KIF24: variants seen among roughly 807,000 people sequenced by gnomAD.
The protein encoded by KIF24 is kinesin-like protein KIF24.
KIF24 carries 81 observed loss-of-function variants against 118.9 expected under a neutral mutation model. The observed-to-expected ratio is 0.68, with a 90% CI of 0.57 to 0.82. The LOEUF (loss-of-function observed/expected upper bound fraction) is 0.82. Among genes scored for constraint, KIF24 ranks in the 40% least tolerant of loss-of-function variants. KIF24 has a pLI of 0.00. For missense variants in KIF24, 1,560 were observed against 1,661.6 expected, an observed-to-expected ratio of 0.94 and a Z score of 1.06; for synonymous variants, 599 against 610.0, an observed-to-expected ratio of 0.98 and a Z score of 0.27.
chr9:34,331,307 AT>A (rs1165338480), upstream of KIF24, among the ~76,000 whole-genome samples: 2 of 152,216 alleles, frequency 1.3e-5, no homozygotes, highest in Non-Finnish European at 2.9e-5. Flanking sequence ...TAACTCATAT[AT>A]TTAGTACCTC....
intron 1 of KIF24, among the ~76,000 whole-genome samples, chr9:34,324,866 A>G (rs1012237363): frequency 6.6e-6 from 1 of 152,206 alleles, no homozygotes; most frequent in African/African-American, 2.4e-5. Context: ...CTTACTGATT[A>G]TAACAACAAA....
At chr9:34,320,492 T>C (rs559041031) in intron 1 of KIF24, among the ~76,000 whole-genome samples, 115 of 151,012 alleles carry the variant, frequency 7.6e-4, no homozygotes, top group African/African-American at 2.8e-3. Context: ...ACCCCATCTC[T>C]ACTAAAAATA....
intron 7 of KIF24, among the ~76,000 whole-genome samples, chr9:34,271,461 G>A (rs1270302873): frequency 6.6e-6 from 1 of 152,122 alleles, no homozygotes; most frequent in Non-Finnish European, 1.5e-5. Context: ...TTGTCTTATG[G>A]CTTCTTTCAA....
At chr9:34,263,035 C>A in intron 9 of KIF24, 66 bp downstream of exon 9, 3 of 1,257,294 alleles carry the variant, frequency 2.4e-6, no homozygotes, top group Non-Finnish European at 3.4e-6. Context: ...ACTGAATGAA[C>A]AAATACATGA....
In KIF24 at chr9:34,256,170, C is replaced by G. The variant is rs984128675; in HGVS notation, c.3437G>C (p.Arg1146Thr). ...GCAGGCCTCTCCTAGGTCTGCCTCC[C>G]TGCTGGGCAGCTTGTCAGCTGGGTG... Reference protein sequence around the residue: ...RQHPADKLPSREADLGEACQS... With the variant: ...RQHPADKLPSTEADLGEACQS... The change falls in exon 11 of 13, where the codon AGG (arginine) becomes ACG (threonine). Residue 1146 changes from arginine (R) to threonine (T), a missense_variant. Physicochemically the swap from Arg to Thr is moderately conservative, Grantham distance 71. Transcript: ENST00000402558. 5.6e-6 allele frequency: 9 copies of G among 1,604,092 alleles called. No homozygotes were observed. The highest frequency in any genetic ancestry group is 7.7e-6 in the Non-Finnish European group (9 of 1,173,452).
chr9:34,323,280 G>C (rs930892139), intron 1 of KIF24, among the ~76,000 whole-genome samples: 1 of 152,122 alleles, frequency 6.6e-6, no homozygotes, highest in Non-Finnish European at 1.5e-5. Flanking sequence ...TTTCAAGTTT[G>C]TTTATGGTTA....
At chr9:34,301,642 C>A (rs1836709503) in intron 3 of KIF24, among the ~76,000 whole-genome samples, 1 of 152,056 alleles carries the variant, frequency 6.6e-6, no homozygotes, top group African/African-American at 2.4e-5. Flanking sequence ...TTGAGACCAG[C>A]CGAGGCAACA....
chr9:34,257,972 T>C lies in KIF24; in HGVS notation c.1635A>G (p.Glu545=). ...NTLRYADRVK[E]LKKGIKCCTS... ...TGCAACACTTAATGCCTTTCTTTAG[T>C]TCTTTGACCCTGTAAATAATCATTT... Residue 545 remains glutamate, a synonymous_variant, in exon 11 of 13, where the codon GAA becomes GAG. Transcript: ENST00000402558. 1 of 1,591,772 alleles carries C rather than the reference T, an allele frequency of 6.3e-7. No individual in the cohort carries two copies. Among genetic ancestry groups the C allele is most frequent in the Non-Finnish European group, 8.6e-7 (1 of 1,169,242 alleles).
chr9:34,299,396 G>A (rs1410380288), intron 3 of KIF24, among the ~76,000 whole-genome samples: 1 of 151,790 alleles, frequency 6.6e-6, no homozygotes, highest in Non-Finnish European at 1.5e-5. Flanking sequence ...TGGCCAGGCT[G>A]GTCTCGAACT....
rs761504523 is a variant in KIF24, at chr9:34,257,006, C to T, written c.2601G>A (p.Lys867=). Residue 867 remains lysine (K), a synonymous_variant, in exon 11 of 13, where the codon AAG becomes AAA. Transcript: ENST00000402558. ...LHQTWGQGPE[K]QVAERQQSLF... is the part of the protein sequence containing the mutation. ...GACTCTGCTGTCTTTCTGCCACCTGCTTCTCAGGACCCTGTCCCCACGTCT... is the reference window on the plus strand; with the variant it reads ...GACTCTGCTGTCTTTCTGCCACCTGTTTCTCAGGACCCTGTCCCCACGTCT... 6.2e-7 allele frequency: 1 copy of T among 1,614,044 alleles called. No homozygotes were observed. Among genetic ancestry groups the T allele is most frequent in the Non-Finnish European group, 8.5e-7 (1 of 1,179,900 alleles).
intron 2 of KIF24, among the ~76,000 whole-genome samples, chr9:34,308,188 G>A (rs141157928): frequency 3.3e-4 from 50 of 152,188 alleles, no homozygotes; most frequent in African/African-American, 7.9e-4. Flanking sequence ...GGCTGGCCTC[G>A]AACTCCTGGG....
At position 34,318,344 on chromosome 9, in the gene KIF24, A is replaced by T; in HGVS notation, c.-25-6973T>A. The T allele has an allele frequency of 2.1e-6, 1 of 481,630 alleles. No homozygotes were observed. The highest frequency in any genetic ancestry group is 3.9e-6 in the Non-Finnish European group (1 of 255,842). The allele number at this position is 481,630 out of a possible 1,614,324, so 29.8% of individuals were successfully genotyped here. On this transcript the variant is annotated intron_variant, in intron 1 of 12. Transcript: ENST00000402558. This position sits in a 1 kb window ranked among gnomAD's most constrained non-coding sequence, Gnocchi z 4.9. ...GAGCCAGCCCAGCCCAACCCAGCCC[A>T]ACCCAGCTTGACCTAGCCCTGACAG... is the stretch of plus-strand genomic sequence containing the variant.
chr9:34,311,414 T>A, intron 1 of KIF24, 43 bp from the exon 2 acceptor site: 4 of 968,080 alleles, frequency 4.1e-6, no homozygotes, highest in Non-Finnish European at 5.7e-6. Context: ...ATAGAGTACA[T>A]GTAATACAAT....
In KIF24 at chr9:34,310,790, A is replaced by T. The variant is rs756373623; in HGVS notation, c.557T>A (p.Ile186Asn). ...YLSAILGDCD[I>N]PIIQRISHVS... ...ATGAGAGATTCTTTGAATAATGGGA[A>T]TATCACAATCCCCCAGTATTGCAGA... Residue 186 changes from isoleucine (I) to asparagine (N), a missense_variant, in exon 2 of 13, where the codon ATT (isoleucine) becomes AAT (asparagine). Physicochemically the swap from Ile to Asn is moderately radical, Grantham distance 149. Coordinates refer to ENST00000402558, the MANE Select transcript of KIF24 (RefSeq NM_194313.4). 6.2e-7 allele frequency: 1 copy of T among 1,611,106 alleles called. No individual in the cohort carries two copies. Among genetic ancestry groups the T allele is most frequent in the Non-Finnish European group, 8.5e-7 (1 of 1,177,260 alleles).
chr9:34,306,520 T>C (rs2131803012), intron 2 of KIF24, 79 bp from the exon 3 acceptor site: 2 of 1,023,594 alleles, frequency 2.0e-6, no homozygotes, highest in East Asian at 2.4e-5. Context: ...TGGTACCTTT[T>C]AGCCGGGCGC....
At position 34,318,891 on chromosome 9, in the gene KIF24, T is replaced by C; in HGVS notation, c.-25-7520A>G. 1 of 1,598,814 alleles carries C rather than the reference T, an allele frequency of 6.3e-7. No individual in the cohort carries two copies. The highest frequency in any genetic ancestry group is 8.5e-7 in the Non-Finnish European group (1 of 1,170,482). On this transcript the variant is annotated intron_variant, in intron 1 of 12. Transcript: ENST00000402558. The surrounding 1 kb of genome is among the most constrained non-coding windows in gnomAD (Gnocchi z 4.9). Reference sequence around the variant, plus strand: ...AACTGCGAGCACTCCAAGATCAATTTCCATGACAAGCGCAGTGCGCTGCAG... The same window carrying C: ...AACTGCGAGCACTCCAAGATCAATTCCCATGACAAGCGCAGTGCGCTGCAG...
Position 34,257,067 on chromosome 9 carries a change from G to A in KIF24, c.2540C>T (p.Thr847Ile), listed in dbSNP as rs1191087869. Residue 847 changes from threonine (T) to isoleucine (I), a missense_variant, in exon 11 of 13, where the codon ACC becomes ATC. Thr to Ile is a moderately conservative substitution (Grantham distance 89). Coordinates refer to ENST00000402558, the MANE Select transcript of KIF24 (RefSeq NM_194313.4). ...SSQRATKQRN[T>I]LENSEDSFFL... ...GAATGAGTCTTCGCTATTCTCCAGG[G>A]TGTTCCTTTGCTTTGTGGCCCTCTG... 1 of 1,614,028 alleles carries A rather than the reference G, an allele frequency of 6.2e-7. No individual in the cohort carries two copies. Among genetic ancestry groups the A allele is most frequent in the Non-Finnish European group, 8.5e-7 (1 of 1,179,900 alleles).
chr9:34,256,288 A>C lies in KIF24; in HGVS notation c.3319T>G (p.Ser1107Ala). ...GACAGCCACAGGTGCCTAGTTGCTG[A>C]AGACACTGGCAAGGCTGCCTCTTGA... ...GDQEAALPVSSATRHLWLSSS... is the reference protein window; with the variant it reads ...GDQEAALPVSAATRHLWLSSS... Residue 1107 changes from serine to alanine, a missense_variant, in exon 11 of 13, where the codon TCA becomes GCA. Transcript: ENST00000402558. 6.2e-7 allele frequency: 1 copy of C among 1,611,762 alleles called. No homozygotes were observed. The highest frequency in any genetic ancestry group is 1.3e-5 in the African/African-American group (1 of 74,996).
chr9:34,331,021 G>A (rs1463348540), upstream of KIF24, among the ~76,000 whole-genome samples: 1 of 152,160 alleles, frequency 6.6e-6, no homozygotes, highest in East Asian at 1.9e-4. Flanking sequence ...TAGTCAGTGC[G>A]TTGGTGTACT....
Sources: allele counts gnomAD v4.1 joint callset (sites outside exome capture counted in the v4.1 genomes callset), GRCh38; gene constraint gnomAD v4.1.1; non-coding constraint Gnocchi (gnomAD v3.1); transcripts MANE v1.5; gene names NCBI Gene and HGNC (gene_info 2026-07-23, HGNC 2026-07-21).